The following GABRA3 variants were observed in gnomAD, a reference collection of about 807,000 sequenced individuals.
GABRA3 encodes gamma-aminobutyric acid type A receptor subunit alpha3, also known as gamma-aminobutyric acid receptor subunit alpha-3.
A neutral mutation model predicts 30.1 loss-of-function variants in GABRA3; 10 were observed. The observed-to-expected ratio is 0.33, with a 90% CI of 0.20 to 0.56. The LOEUF (loss-of-function observed/expected upper bound fraction) is 0.56, where lower values mean the gene tolerates loss of function less well. GABRA3 is among the 20% of genes least tolerant of loss of function. The pLI is 0.89. For synonymous variants in GABRA3, 151 were observed against 146.8 expected (o/e 1.03, Z -0.21); for missense variants, 233 against 392.0 (o/e 0.59, Z 3.42).
chrX:152,243,810 T>C (rs998332112), intron 5 of GABRA3, among the ~76,000 whole-genome samples: 3 of 112,241 alleles, frequency 2.7e-5, no homozygotes, highest in Non-Finnish European at 5.6e-5. Context: ...AAACTGCATA[T>C]GGTCATTTGA....
intron 4 of GABRA3, among the ~76,000 whole-genome samples, chrX:152,271,045 T>G (rs1410139548): frequency 1.9e-5 from 2 of 106,844 alleles, no homozygotes; most frequent in African/African-American, 6.8e-5. Context: ...CACTGCAATC[T>G]CTGCCTCCCG....
chrX:152,439,218 C>G (rs982459011), intron 1 of GABRA3, among the ~76,000 whole-genome samples: 7 of 110,809 alleles, frequency 6.3e-5, no homozygotes, highest in Non-Finnish European at 1.1e-4. Flanking sequence ...AACTCCACCT[C>G]CCAGTTTCAA....
At chrX:152,388,149 G>C (rs1262819882) in intron 1 of GABRA3, among the ~76,000 whole-genome samples, 1 of 111,813 alleles carries the variant, frequency 8.9e-6, no homozygotes. Flanking sequence ...AAATGTATAT[G>C]ATATATTAAT....
chrX:152,395,714 T>C (rs1465927750), intron 1 of GABRA3, among the ~76,000 whole-genome samples: 1 of 111,498 alleles, frequency 9.0e-6, no homozygotes, highest in Non-Finnish European at 1.9e-5. Context: ...ATACGCAAAA[T>C]ACAGGAACAG....
At chrX:152,279,675 G>C (rs972699594) in intron 4 of GABRA3, among the ~76,000 whole-genome samples, 1 of 111,335 alleles carries the variant, frequency 9.0e-6, no homozygotes, top group Non-Finnish European at 1.9e-5. Flanking sequence ...GATGGGGATG[G>C]CAATGAATCT....
intron 1 of GABRA3, among the ~76,000 whole-genome samples, chrX:152,422,847 G>A (rs931347250): frequency 1.9e-5 from 2 of 105,986 alleles, no homozygotes; most frequent in Non-Finnish European, 3.9e-5. Context: ...TTTGAAACTC[G>A]CTAGAAGAGT....
At chrX:152,284,378 A>G (rs936762907) in intron 4 of GABRA3, among the ~76,000 whole-genome samples, 2 of 111,182 alleles carry the variant, frequency 1.8e-5, no homozygotes, top group Non-Finnish European at 3.8e-5. Flanking sequence ...TGAAGGGAGA[A>G]GTCAGGGAAG....
chrX:152,257,775 C>A (rs1212325185), intron 4 of GABRA3, among the ~76,000 whole-genome samples: 1 of 112,164 alleles, frequency 8.9e-6, no homozygotes, highest in Non-Finnish European at 1.9e-5. Context: ...AATCAGATCA[C>A]AACACAAAAG....
chrX:152,357,988 T>C lies in GABRA3; in HGVS notation c.140+6443A>G, dbSNP rs144573873. On this transcript the variant is annotated intron_variant, in intron 2 of 9. Coordinates refer to ENST00000370314, the MANE Select transcript of GABRA3 (RefSeq NM_000808.4). ...TATAGTTTGAAGTCAGGTAGTGTGA[T>C]GTCTCTAGCTTTGTTCTTTTTGCTT... 2.7e-3 allele frequency among the ~76,000 whole-genome samples: 298 copies of C among 111,780 alleles called. 2 individuals carry two copies. The highest frequency in any genetic ancestry group is 8.9e-3 in the African/African-American group (273 of 30,757).
At chrX:152,407,671 C>T (rs975954572) in intron 1 of GABRA3, among the ~76,000 whole-genome samples, 3 of 111,801 alleles carry the variant, frequency 2.7e-5, no homozygotes, top group East Asian at 2.8e-4. Flanking sequence ...AACATCAATT[C>T]TACTGAAACT....
chrX:152,273,378 G>C (rs1447126075), intron 4 of GABRA3, among the ~76,000 whole-genome samples: 1 of 112,028 alleles, frequency 8.9e-6, no homozygotes, highest in African/African-American at 3.2e-5. Flanking sequence ...GAACAGTATG[G>C]AGATTCCTCA....
intron 3 of GABRA3, among the ~76,000 whole-genome samples, chrX:152,299,905 A>C: frequency 8.9e-6 from 1 of 112,104 alleles, no homozygotes; most frequent in South Asian, 3.8e-4. Context: ...GGGGACTGTG[A>C]CACAGGTGGC....
chrX:152,358,074 T>C (rs1940579136), intron 2 of GABRA3, among the ~76,000 whole-genome samples: 1 of 111,430 alleles, frequency 9.0e-6, no homozygotes, highest in African/African-American at 3.3e-5. Context: ...AATAGTTTTT[T>C]TCTAGTTCAG....
chrX:152,328,426 T>A (rs1940103587), intron 3 of GABRA3, among the ~76,000 whole-genome samples: 1 of 111,624 alleles, frequency 9.0e-6, no homozygotes, highest in African/African-American at 3.3e-5. Context: ...TTATCCCTGA[T>A]GAACATCGAT....
At chrX:152,266,879 C>T (rs1938835005) in intron 4 of GABRA3, among the ~76,000 whole-genome samples, 1 of 111,666 alleles carries the variant, frequency 9.0e-6, no homozygotes, top group Admixed American at 9.5e-5. Context: ...CTCTGCATAG[C>T]GTATAGCAGA....
intron 9 of GABRA3, among the ~76,000 whole-genome samples, chrX:152,181,004 T>C (rs1300693253): frequency 1.8e-5 from 2 of 112,163 alleles, no homozygotes; most frequent in East Asian, 2.8e-4. Flanking sequence ...TTGCTCAAGA[T>C]TGCTTTGACA....
chrX:152,248,501 T>A (rs1038059427), intron 5 of GABRA3, among the ~76,000 whole-genome samples: 33 of 108,333 alleles, frequency 3.0e-4, no homozygotes, highest in Admixed American at 1.5e-3. Flanking sequence ...TAATAAAATT[T>A]AAAAAAAAAA....
chrX:152,329,150 G>A (rs770895077), intron 3 of GABRA3, among the ~76,000 whole-genome samples: 1 of 111,504 alleles, frequency 9.0e-6, no homozygotes, highest in East Asian at 2.8e-4. Context: ...GGACATGAAG[G>A]ACCTCTTCAA....
intron 3 of GABRA3, among the ~76,000 whole-genome samples, chrX:152,328,794 C>T (rs1232382751): frequency 1.8e-5 from 2 of 111,518 alleles, no homozygotes; most frequent in African/African-American, 6.5e-5. Flanking sequence ...TGGCACAAGA[C>T]AGGGATGCCC....
Sources: allele counts gnomAD v4.1 joint callset (sites outside exome capture counted in the v4.1 genomes callset), GRCh38; gene constraint gnomAD v4.1.1; transcripts MANE v1.5; gene names NCBI Gene and HGNC (gene_info 2026-07-23, HGNC 2026-07-21).